The following ICA1L variants were observed in gnomAD, a reference collection of about 807,000 sequenced individuals.
ICA1L encodes the protein islet cell autoantigen 1 like.
ICA1L carries 50 observed loss-of-function variants against 61.3 expected under a neutral mutation model. The observed-to-expected ratio is 0.82, with a 90% confidence interval of 0.65 to 1.03. The LOEUF (loss-of-function observed/expected upper bound fraction) is 1.03, where lower values mean the gene tolerates loss of function less well. Ranked by LOEUF, ICA1L falls within the 50% of genes least tolerant of loss-of-function variation. The pLI is 0.00. For missense variants in ICA1L, 508 were observed against 556.7 expected, an observed-to-expected ratio of 0.91 and a Z score of 0.88; for synonymous variants, 161 against 191.3, an observed-to-expected ratio of 0.84 and a Z score of 1.31.
At chr2:202,818,802 T>A (rs1342934175) in intron 5 of ICA1L, among the ~76,000 whole-genome samples, 1 of 152,222 alleles carries the variant, frequency 6.6e-6, no homozygotes, top group Admixed American at 6.5e-5. Flanking sequence ...TTAAATCTCT[T>A]TATCTTCCCA....
chr2:202,797,206 C>T (rs1402676191), intron 9 of ICA1L, among the ~76,000 whole-genome samples: 1 of 150,792 alleles, frequency 6.6e-6, no homozygotes. Context: ...TATTCAGGTA[C>T]TCTATTAAGT....
chr2:202,821,728 C>T (rs977569841), intron 3 of ICA1L: 2 of 230,622 alleles, frequency 8.7e-6, no homozygotes, highest in Non-Finnish European at 1.7e-5. Flanking sequence ...CCATGGACCT[C>T]GCTTTGAGAA....
chr2:202,805,463 A>G (rs1693198492), intron 9 of ICA1L, among the ~76,000 whole-genome samples: 2 of 152,100 alleles, frequency 1.3e-5, no homozygotes, highest in Admixed American at 6.6e-5. Flanking sequence ...ATGGCTGGGC[A>G]TGGTGGCTCA....
rs1206115303 is a variant in ICA1L, at chr2:202,773,451, C to A, written c.*6082G>T. 2 of 224,544 alleles carry A rather than the reference C, an allele frequency of 8.9e-6. No individual in the cohort carries two copies. The highest frequency in any genetic ancestry group is 1.8e-5 in the Non-Finnish European group (2 of 113,370). The allele number at this position is 224,544 out of a possible 1,614,324, so 13.9% of individuals were successfully genotyped here. On this transcript the variant is annotated 3_prime_UTR_variant, in exon 13 of 13. Transcript: ENST00000358299. ...GATGAATGGAATAAGAAGTAGTCAT[C>A]ACATGTCAATTAGGGATGTTTATCT...
chr2:202,841,307 C>T, intron 1 of ICA1L: 1 of 755,808 alleles, frequency 1.3e-6, no homozygotes, highest in Non-Finnish European at 2.4e-6. Context: ...CCAGCTTCAG[C>T]CTTTCCAAGC....
rs1694562514 is a variant in ICA1L, at chr2:202,849,702, G to A, written c.-7-20686C>T. On this transcript the variant is annotated intron_variant, in intron 1 of 12. Coordinates refer to ENST00000358299, the MANE Select transcript of ICA1L (RefSeq NM_001288622.3). This position sits in a 1 kb window ranked among gnomAD's most constrained non-coding sequence, Gnocchi z 4.5. ...GGGGGAAGGGGCAACTGTGGGCACA[G>A]CTTCAGCGGACTTAACATGTTCCTG... Among the ~76,000 whole-genome samples the A allele has an allele frequency of 6.6e-6, 1 of 152,240 alleles. No individual in the cohort carries two copies. The highest frequency in any genetic ancestry group is 2.4e-5 in the African/African-American group (1 of 41,464).
At position 202,774,775 on chromosome 2, in the gene ICA1L, C is replaced by T. The variant is rs1692170785; in HGVS notation, c.*4758G>A. On this transcript the variant is annotated 3_prime_UTR_variant, in exon 13 of 13. Coordinates refer to ENST00000358299, the MANE Select transcript of ICA1L (RefSeq NM_001288622.3). Reference sequence around the variant, plus strand: ...CAAGGGAAACTTGTGGCAGGGGCCACCCATATCACACTGGGCCAGGTGCTC... The same window carrying T: ...CAAGGGAAACTTGTGGCAGGGGCCATCCATATCACACTGGGCCAGGTGCTC... 1 of 154,174 alleles carries T rather than the reference C, an allele frequency of 6.5e-6. No individual in the cohort carries two copies. Among genetic ancestry groups the T allele is most frequent in the Admixed American group, 6.5e-5 (1 of 15,328 alleles). The allele number at this position is 154,174 out of a possible 1,614,324, so 9.6% of individuals were successfully genotyped here.
At chr2:202,821,026 T>C (rs1418654324) in intron 4 of ICA1L, among the ~76,000 whole-genome samples, 1 of 152,210 alleles carries the variant, frequency 6.6e-6, no homozygotes, top group Admixed American at 6.5e-5. Flanking sequence ...ATACACATTT[T>C]TAAGATGTTA....
intron 12 of ICA1L, among the ~76,000 whole-genome samples, chr2:202,781,601 C>G (rs1485481266): frequency 6.6e-6 from 1 of 151,308 alleles, no homozygotes; most frequent in Non-Finnish European, 1.5e-5. Context: ...GACTCCTCCT[C>G]TGAAGCTCCC....
rs555550958 is a variant in ICA1L, at chr2:202,853,172, C to G, written c.-8+18447G>C. On this transcript the variant is annotated intron_variant, in intron 1 of 12. Coordinates refer to ENST00000358299, the MANE Select transcript of ICA1L (RefSeq NM_001288622.3). ...AGGAGATCGAGACCATCCTGGCTAA[C>G]ATGATGAAACCCCGTCTCTACTAAA... Among the ~76,000 whole-genome samples the G allele has an allele frequency of 3.9e-5, 6 of 152,052 alleles. No homozygotes were observed. The East Asian group carries it at 1.2e-3, about 30-fold the overall frequency.
intron 1 of ICA1L, among the ~76,000 whole-genome samples, chr2:202,864,625 ATATG>A (rs1273643874): frequency 7.4e-6 from 1 of 135,320 alleles, no homozygotes; most frequent in African/African-American, 2.6e-5. Flanking sequence ...GTGTATATAT[ATATG>A]TGTGTGTGTG....
At chr2:202,833,748 T>C (rs1165327420) in intron 1 of ICA1L, among the ~76,000 whole-genome samples, 3 of 152,200 alleles carry the variant, frequency 2.0e-5, no homozygotes, top group East Asian at 1.9e-4. Context: ...ATATGGTATA[T>C]ATACTCAATG....
intron 1 of ICA1L, chr2:202,870,596 G>A (rs1325531476): frequency 6.6e-6 from 1 of 152,102 alleles, no homozygotes; most frequent in African/African-American, 2.4e-5. Flanking sequence ...AGGCACCTGT[G>A]GCTATTCCAT....
At chr2:202,827,448 T>C (rs1693880069) in intron 2 of ICA1L, among the ~76,000 whole-genome samples, 1 of 152,168 alleles carries the variant, frequency 6.6e-6, no homozygotes, top group African/African-American at 2.4e-5. Context: ...CTATGCTTGA[T>C]TATTTTTTCC....
At chr2:202,780,947 T>C (rs1228120168) in intron 12 of ICA1L, among the ~76,000 whole-genome samples, 4 of 152,198 alleles carry the variant, frequency 2.6e-5, no homozygotes, top group African/African-American at 7.2e-5. Flanking sequence ...TGAGACTAAA[T>C]AGGGGCACTA....
At chr2:202,800,394 C>T (rs1291033601) in intron 9 of ICA1L, among the ~76,000 whole-genome samples, 1 of 152,048 alleles carries the variant, frequency 6.6e-6, no homozygotes, top group East Asian at 1.9e-4. Context: ...AAACCAAAAC[C>T]TCCACAGGCA....
At chr2:202,791,495 GAA>G (rs1406588826) in intron 10 of ICA1L, among the ~76,000 whole-genome samples, 2 of 152,184 alleles carry the variant, frequency 1.3e-5, no homozygotes, top group African/African-American at 2.4e-5. Context: ...AATAGCACAT[GAA>G]AAGAGTCTCA....
intron 1 of ICA1L, among the ~76,000 whole-genome samples, chr2:202,851,376 G>A (rs975398416): frequency 2.0e-5 from 3 of 152,278 alleles, no homozygotes; most frequent in Non-Finnish European, 2.9e-5. Flanking sequence ...ATTCCATGGT[G>A]TATATGTGCC....
intron 9 of ICA1L, 85 bp downstream of exon 9, chr2:202,811,661 A>C: frequency 2.9e-6 from 1 of 349,040 alleles, no homozygotes; most frequent in South Asian, 7.5e-5. Flanking sequence ...GACTGTCTCA[A>C]AAAAAAAAAA....
Sources: allele counts gnomAD v4.1 joint callset (sites outside exome capture counted in the v4.1 genomes callset), GRCh38; gene constraint gnomAD v4.1.1; non-coding constraint Gnocchi (gnomAD v3.1); transcripts MANE v1.5; gene names NCBI Gene and HGNC (gene_info 2026-07-23, HGNC 2026-07-21).